The following GRIK1 variants were observed in gnomAD, a reference collection of about 807,000 sequenced individuals.
GRIK1 encodes the protein glutamate ionotropic receptor kainate type subunit 1.
GRIK1 carries 69 observed loss-of-function variants against 105.7 expected under a neutral mutation model. That is an observed-to-expected ratio of 0.65 (90% CI 0.54 to 0.80). GRIK1 has a LOEUF of 0.80. Ranked by LOEUF, GRIK1 falls within the 30% of genes least tolerant of loss-of-function variation. The pLI is 0.00. For synonymous variants in GRIK1, 438 were observed against 431.3 expected, an observed-to-expected ratio of 1.02 and a Z score of -0.19; for missense variants, 1,109 against 1,167.3, an observed-to-expected ratio of 0.95 and a Z score of 0.73.
chr21:29,576,036 C>CTT (rs141426307), intron 14 of GRIK1, among the ~76,000 whole-genome samples: 205 of 149,674 alleles, frequency 1.4e-3, no homozygotes, highest in African/African-American at 4.7e-3. Flanking sequence ...ACCATTAATA[C>CTT]TTTTTTTTTT....
intron 1 of GRIK1, among the ~76,000 whole-genome samples, chr21:29,919,817 G>A (rs1257056987): frequency 6.6e-6 from 1 of 152,166 alleles, no homozygotes; most frequent in African/African-American, 2.4e-5. Flanking sequence ...TCCCTTTTAA[G>A]GGGCCAACGT....
chr21:29,827,736 C>T (rs111325849), intron 1 of GRIK1, among the ~76,000 whole-genome samples: 194 of 152,138 alleles, frequency 1.3e-3, no homozygotes, highest in African/African-American at 4.6e-3. Flanking sequence ...ACCCTGATTC[C>T]GTTACCCATT....
chr21:29,598,809 A>AT, intron 8 of GRIK1, 21 bp downstream of exon 8: 1 of 1,029,386 alleles, frequency 9.7e-7, no homozygotes, highest in Non-Finnish European at 1.5e-6. Context: ...TATTTTATTT[A>AT]TTTATTGTTA....
rs8132688 is a variant in GRIK1 at position 29,564,211 on chromosome 21, A to C, written c.2131-2362T>G. Among the ~76,000 whole-genome samples, 5 of 151,972 alleles carry C rather than the reference A, an allele frequency of 3.3e-5. No individual in the cohort carries two copies. In the South Asian group the frequency reaches 1.0e-3, roughly 32 times the overall value. On this transcript the variant is annotated intron_variant, in intron 14 of 17. Transcript: ENST00000327783. ...CGCCCAGGCTGGAGTGCAGTGGCGC[A>C]ATCTCGGCTCACTGCAAGCTCCGCC...
chr21:29,757,519 T>C (rs1273639754), intron 1 of GRIK1, among the ~76,000 whole-genome samples: 2 of 152,342 alleles, frequency 1.3e-5, no homozygotes, highest in African/African-American at 4.8e-5. Flanking sequence ...TATAGAAAAT[T>C]TGAAACACAA....
chr21:29,714,378 C>G (rs1384826286), intron 1 of GRIK1, among the ~76,000 whole-genome samples: 1 of 151,880 alleles, frequency 6.6e-6, no homozygotes, highest in African/African-American at 2.4e-5. Context: ...AGATATTAAC[C>G]AGGAAAAGCA....
intron 1 of GRIK1, among the ~76,000 whole-genome samples, chr21:29,910,184 A>T (rs2070767278): frequency 2.6e-5 from 4 of 152,172 alleles, no homozygotes; most frequent in Admixed American, 1.3e-4. Context: ...CCCACAAAAA[A>T]TTTTTAAAAT....
intron 16 of GRIK1, among the ~76,000 whole-genome samples, chr21:29,552,260 A>C (rs1053919517): frequency 3.9e-5 from 6 of 152,256 alleles, no homozygotes; most frequent in Admixed American, 1.3e-4. Context: ...TCCCATTAAG[A>C]AAAGAATAAA....
At chr21:29,634,132 A>G (rs1198723228) in intron 7 of GRIK1, among the ~76,000 whole-genome samples, 1 of 152,128 alleles carries the variant, frequency 6.6e-6, no homozygotes, top group Non-Finnish European at 1.5e-5. Flanking sequence ...ACAAACAAAA[A>G]CCCCACTCCA....
At chr21:29,642,607 T>C (rs1234169423) in intron 7 of GRIK1, among the ~76,000 whole-genome samples, 1 of 152,212 alleles carries the variant, frequency 6.6e-6, no homozygotes, top group Non-Finnish European at 1.5e-5. Context: ...AGTGTTGGTA[T>C]CTGGTAGCGT....
At chr21:29,626,825 C>G (rs2062142880) in intron 7 of GRIK1, among the ~76,000 whole-genome samples, 1 of 152,196 alleles carries the variant, frequency 6.6e-6, no homozygotes. Flanking sequence ...ATATGAACCT[C>G]TGGCAAGGAG....
chr21:29,691,062 G>A (rs2063575763), intron 2 of GRIK1, among the ~76,000 whole-genome samples: 1 of 152,116 alleles, frequency 6.6e-6, no homozygotes, highest in Non-Finnish European at 1.5e-5. Flanking sequence ...TGTAATCCCA[G>A]CACTTTGGGA....
intron 4 of GRIK1, among the ~76,000 whole-genome samples, chr21:29,658,550 C>T (rs2062900446): frequency 1.3e-5 from 2 of 152,244 alleles, no homozygotes; most frequent in Admixed American, 6.5e-5. Flanking sequence ...GCGTGAGCCA[C>T]TGCACCTGGC....
At chr21:29,932,324 A>C (rs1331191455) in intron 1 of GRIK1, among the ~76,000 whole-genome samples, 3 of 152,136 alleles carry the variant, frequency 2.0e-5, no homozygotes, top group African/African-American at 7.2e-5. Flanking sequence ...TATTTAGTCA[A>C]TATCATTGCT....
chr21:29,583,814 C>T (rs1323365249), intron 12 of GRIK1, among the ~76,000 whole-genome samples: 4 of 152,110 alleles, frequency 2.6e-5, no homozygotes, highest in Admixed American at 1.3e-4. Context: ...CTACCTGTTG[C>T]CTGGATGTAG....
chr21:29,628,661 A>G (rs906170947), intron 7 of GRIK1, among the ~76,000 whole-genome samples: 1 of 152,218 alleles, frequency 6.6e-6, no homozygotes, highest in Non-Finnish European at 1.5e-5. Flanking sequence ...ATGCAAATCA[A>G]CTAAATGGGC....
chr21:29,687,491 A>T (rs1259268846), intron 3 of GRIK1, among the ~76,000 whole-genome samples: 1 of 152,128 alleles, frequency 6.6e-6, no homozygotes, highest in Non-Finnish European at 1.5e-5. Context: ...TCAATTGATT[A>T]TTCATTTACA....
intron 1 of GRIK1, among the ~76,000 whole-genome samples, chr21:29,764,689 A>G (rs2065613805): frequency 6.6e-6 from 1 of 152,226 alleles, no homozygotes; most frequent in Non-Finnish European, 1.5e-5. Context: ...TAAACACATC[A>G]TAAGATCATA....
intron 2 of GRIK1, 59 bp from the exon 3 acceptor site, chr21:29,690,044 AAG>A: frequency 7.4e-7 from 1 of 1,352,628 alleles, no homozygotes; most frequent in Non-Finnish European, 1.0e-6. Context: ...GGGAGAGAAA[AAG>A]AGAGTTCTAT....
Sources: allele counts gnomAD v4.1 joint callset (sites outside exome capture counted in the v4.1 genomes callset), GRCh38; gene constraint gnomAD v4.1.1; transcripts MANE v1.5; gene names NCBI Gene and HGNC (gene_info 2026-07-23, HGNC 2026-07-21).